The following LYN variants were observed in gnomAD, a reference collection of about 807,000 sequenced individuals.
The protein encoded by LYN is tyrosine-protein kinase Lyn.
LYN carries 12 observed loss-of-function variants against 65.0 expected under a neutral mutation model. The ratio of observed to expected loss-of-function variants is 0.18; its 90% CI spans 0.12 to 0.30. The LOEUF (loss-of-function observed/expected upper bound fraction) is 0.30. Among genes scored for constraint, LYN ranks in the 10% least tolerant of loss-of-function variants. The probability of loss-of-function intolerance (pLI) is 1.00; values close to 1 mark genes in which losing one functional copy is unlikely to be tolerated. For synonymous variants in LYN, 222 were observed against 221.2 expected, an observed-to-expected ratio of 1.00 and a Z score of -0.03; for missense variants, 380 against 623.2, an observed-to-expected ratio of 0.61 and a Z score of 4.16.
intron 10 of LYN, among the ~76,000 whole-genome samples, chr8:55,974,740 C>T (rs909785813): frequency 4.6e-5 from 7 of 152,162 alleles, no homozygotes; most frequent in African/African-American, 1.4e-4. Context: ...GCTCATATTC[C>T]ACCTCAAGGC....
intron 11 of LYN, 79 bp downstream of exon 11, chr8:55,998,578 C>G: frequency 1.5e-6 from 2 of 1,334,804 alleles, no homozygotes; most frequent in East Asian, 4.7e-5. Flanking sequence ...AAAGCAATTA[C>G]AATAGTCACC....
In LYN at chr8:55,979,862, AG is replaced by A. The variant is rs556316375; in HGVS notation, c.1050+10072del. On this transcript the variant is annotated intron_variant, in intron 10 of 12. Transcript: ENST00000519728. ...GCCACAGCATCTCCGGGGCTGCCAGAGGGCCGCCCACCCTGGTGCGGAAGAC... is the reference window on the plus strand; with the variant it reads ...GCCACAGCATCTCCGGGGCTGCCAGAGGCCGCCCACCCTGGTGCGGAAGAC... Among the ~76,000 whole-genome samples the A allele has an allele frequency of 9.2e-5, 14 of 152,334 alleles. No homozygotes were observed. The South Asian group carries it at 2.9e-3, about 32-fold the overall frequency.
At chr8:55,945,345 T>A (rs1806741672) in intron 2 of LYN, among the ~76,000 whole-genome samples, 1 of 152,236 alleles carries the variant, frequency 6.6e-6, no homozygotes, top group Admixed American at 6.5e-5. Flanking sequence ...AAATAGATCA[T>A]ATATCCAAAT....
chr8:55,896,680 T>G (rs1048423816), intron 1 of LYN, among the ~76,000 whole-genome samples: 1 of 152,062 alleles, frequency 6.6e-6, no homozygotes, highest in Non-Finnish European at 1.5e-5. Context: ...AAAAGAAACA[T>G]AGAATAAAAA....
chr8:55,972,445 G>A (rs962102522), intron 10 of LYN, among the ~76,000 whole-genome samples: 1 of 152,038 alleles, frequency 6.6e-6, no homozygotes, highest in Non-Finnish European at 1.5e-5. Flanking sequence ...CTTACCCTTG[G>A]CAACAAGGAG....
chr8:55,998,428 C>T lies in LYN; in HGVS notation c.1133C>T (p.Ser378Leu). 6.2e-7 allele frequency: 1 copy of T among 1,613,982 alleles called. No homozygotes were observed. The change falls in exon 11 of 13, where the codon TCA (serine) becomes TTA (leucine). Residue 378 changes from serine (S) to leucine (L), a missense_variant. Around this residue, in one of 2 missense-constraint regions of LYN, gnomAD observed 223 missense variants for 430.0 expected, o/e 0.52. Transcript: ENST00000519728. ...LRAANVLVSE[S>L]LMCKIADFGL... ...GCAGCTAATGTTCTGGTCTCCGAGT[C>T]ACTCATGTGCAAAATTGCAGATTTT...
chr8:55,907,412 GA>G (rs1371298905), intron 1 of LYN, among the ~76,000 whole-genome samples: 1 of 152,212 alleles, frequency 6.6e-6, no homozygotes, highest in Non-Finnish European at 1.5e-5. Context: ...AGGGTCATGA[GA>G]GGGGATGCCT....
chr8:55,997,482 T>C (rs1268043796), intron 10 of LYN, among the ~76,000 whole-genome samples: 1 of 152,156 alleles, frequency 6.6e-6, no homozygotes, highest in African/African-American at 2.4e-5. Flanking sequence ...TGGCACCATA[T>C]AGCTGTGTCC....
At chr8:55,924,611 C>A (rs7341667) in intron 1 of LYN, among the ~76,000 whole-genome samples, 11,156 of 151,786 alleles carry the variant, frequency 0.073, 613 homozygotes, top group African/African-American at 0.15. Context: ...TAATCCACCC[C>A]CCTTGGCCTC....
intron 1 of LYN, among the ~76,000 whole-genome samples, chr8:55,917,872 A>T (rs1270219271): frequency 2.0e-5 from 3 of 152,272 alleles, no homozygotes; most frequent in African/African-American, 7.2e-5. Flanking sequence ...GTGTTTGTCA[A>T]ACATGACTGT....
In LYN at chr8:55,960,755, T is replaced by G. The variant is rs1242759805; in HGVS notation, c.791-5960T>G. Among the ~76,000 whole-genome samples the G allele has an allele frequency of 3.9e-5, 6 of 152,362 alleles. No homozygotes were observed. The South Asian group carries it at 6.2e-4, about 16-fold the overall frequency. ...AATATTTTTGTTAAACATAAGGAATTGTTCATGGACAACCCATTTCATTTT... is the reference window on the plus strand; with the variant it reads ...AATATTTTTGTTAAACATAAGGAATGGTTCATGGACAACCCATTTCATTTT... On this transcript the variant is annotated intron_variant, in intron 8 of 12. Coordinates refer to ENST00000519728, the MANE Select transcript of LYN (RefSeq NM_002350.4).
At position 56,010,812 on chromosome 8, in the gene LYN, C is replaced by G. The variant is rs549015230; in HGVS notation, c.*702C>G. 4.3e-6 allele frequency: 1 copy of G among 230,858 alleles called. No homozygotes were observed. The highest frequency in any genetic ancestry group is 2.2e-5 in the African/African-American group (1 of 45,336). The allele number at this position is 230,858 out of a possible 1,614,324, so 14.3% of individuals were successfully genotyped here. A position where few individuals can be genotyped will look rare whatever the true frequency, so the allele number is the denominator to read the frequency against. ...TGAGCACGCACAGCTGCCCTGTCTG[C>G]TCACCCGAAGGCACCGGGCTCACCT... On this transcript the variant is annotated 3_prime_UTR_variant, in exon 13 of 13. Coordinates refer to ENST00000519728, the MANE Select transcript of LYN (RefSeq NM_002350.4).
intron 9 of LYN, among the ~76,000 whole-genome samples, chr8:55,968,008 T>A (rs1807510333): frequency 6.6e-6 from 1 of 152,208 alleles, no homozygotes; most frequent in African/African-American, 2.4e-5. Flanking sequence ...TACATTTTCT[T>A]ATTTAATATC....
At chr8:55,885,721 G>A (rs1320892326) in intron 1 of LYN, among the ~76,000 whole-genome samples, 1 of 152,218 alleles carries the variant, frequency 6.6e-6, no homozygotes, top group Non-Finnish European at 1.5e-5. Flanking sequence ...TGGAGAGGGA[G>A]GACCACTTCT....
rs762522298 is a variant in LYN, at chr8:56,013,622, C to G, written c.*3512C>G. 6.6e-6 allele frequency: 1 copy of G among 152,374 alleles called. No individual in the cohort carries two copies. Among genetic ancestry groups the G allele is most frequent in the African/African-American group, 2.4e-5 (1 of 41,554 alleles). The allele number at this position is 152,374 out of a possible 1,614,324, so 9.4% of individuals were successfully genotyped here. A position where few individuals can be genotyped will look rare whatever the true frequency, so the allele number is the denominator to read the frequency against. On this transcript the variant is annotated 3_prime_UTR_variant, in exon 13 of 13. Transcript: ENST00000519728. ...TCCTCTCACAAACTACATCCAGGGG[C>G]GGTAGCTGCTAAAAGGACTCAATTC...
intron 1 of LYN, among the ~76,000 whole-genome samples, chr8:55,921,497 G>A (rs1009484772): frequency 4.6e-5 from 7 of 152,212 alleles, no homozygotes; most frequent in Admixed American, 1.3e-4. Context: ...GGCTTGGGAC[G>A]AAATTCCAAA....
At chr8:56,002,856 C>T (rs1808558356) in intron 12 of LYN, among the ~76,000 whole-genome samples, 1 of 151,954 alleles carries the variant, frequency 6.6e-6, no homozygotes, top group African/African-American at 2.4e-5. Flanking sequence ...GAGCCTCTAG[C>T]ATTAGGGTTA....
At position 55,898,093 on chromosome 8, in the gene LYN, CATA is replaced by C. The variant is rs1805168117; in HGVS notation, c.-6+17993_-6+17995del. On this transcript the variant is annotated intron_variant, in intron 1 of 12. Transcript: ENST00000519728. ...ATGTGCAGATTCACTGAATTATTTT[CATA>C]ATGAGAATACAGAAAAGTTCTGTGA... is the stretch of plus-strand genomic sequence containing the variant. Among the ~76,000 whole-genome samples, 3 of 151,916 alleles carry C rather than the reference CATA, an allele frequency of 2.0e-5. No individual in the cohort carries two copies. In the South Asian group the frequency reaches 6.2e-4, roughly 32 times the overall value.
chr8:55,969,315 T>A (rs1223093159), intron 9 of LYN, among the ~76,000 whole-genome samples: 1 of 152,194 alleles, frequency 6.6e-6, no homozygotes, highest in Admixed American at 6.5e-5. Flanking sequence ...CCAAGTTCTG[T>A]GCTTTTTGCT....
Sources: gnomAD v4.1 joint callset for allele counts (sites outside exome capture counted in the v4.1 genomes callset) on GRCh38, gnomAD v4.1.1 for gene constraint, gnomAD v4.1.1 regional missense constraint, MANE v1.5 for transcripts, NCBI Gene and HGNC (gene_info 2026-07-23, HGNC 2026-07-21) for gene names.